The following CFAP299 variants were observed in gnomAD, a reference collection of about 807,000 sequenced individuals.
CFAP299 encodes cilia and flagella associated protein 299.
CFAP299 carries 21 observed loss-of-function variants against 27.0 expected under a neutral mutation model. The ratio of observed to expected loss-of-function variants is 0.78; its 90% CI spans 0.55 to 1.12. The LOEUF is 1.12. Ranked by LOEUF, CFAP299 falls within the 50% of genes most tolerant of loss-of-function variation. The pLI is 0.00. For missense variants in CFAP299, 310 were observed against 276.6 expected (o/e 1.12, Z -0.86); for synonymous variants, 104 against 98.1 (o/e 1.06, Z -0.36).
intron 3 of CFAP299, among the ~76,000 whole-genome samples, chr4:80,747,767 A>C (rs1430240923): frequency 1.3e-5 from 2 of 151,882 alleles, no homozygotes; most frequent in African/African-American, 4.8e-5. Flanking sequence ...TGAAATGGCA[A>C]ATTTTATAGA....
At chr4:80,898,895 A>G (rs1578222746) in intron 4 of CFAP299, among the ~76,000 whole-genome samples, 1 of 152,222 alleles carries the variant, frequency 6.6e-6, no homozygotes, top group African/African-American at 2.4e-5. Flanking sequence ...AAAATAATCA[A>G]GAACAGCTTC....
chr4:80,383,041 G>A (rs1231409319), intron 2 of CFAP299, among the ~76,000 whole-genome samples: 3 of 152,134 alleles, frequency 2.0e-5, no homozygotes, highest in African/African-American at 7.2e-5. Context: ...GGACATAAAT[G>A]GATATGGAGG....
At chr4:80,861,665 C>T (rs1437244514) in intron 3 of CFAP299, among the ~76,000 whole-genome samples, 1 of 152,078 alleles carries the variant, frequency 6.6e-6, no homozygotes, top group Non-Finnish European at 1.5e-5. Flanking sequence ...TATTTCATAA[C>T]TTTTGTTCAA....
At chr4:80,336,898 A>G (rs939051021) in intron 1 of CFAP299, among the ~76,000 whole-genome samples, 1 of 152,240 alleles carries the variant, frequency 6.6e-6, no homozygotes, top group African/African-American at 2.4e-5. Context: ...CTGAACTGCA[A>G]CAAGGTAACT....
At chr4:80,549,117 A>G (rs1191776698) in intron 2 of CFAP299, among the ~76,000 whole-genome samples, 15 of 152,026 alleles carry the variant, frequency 9.9e-5, no homozygotes, top group East Asian at 1.9e-4. Context: ...TGATTTTTGT[A>G]TTTTTTCTAA....
chr4:80,613,335 C>A (rs1017670348), intron 3 of CFAP299, among the ~76,000 whole-genome samples: 8 of 151,906 alleles, frequency 5.3e-5, no homozygotes, highest in Non-Finnish European at 1.2e-4. Flanking sequence ...TTTTGTGGAA[C>A]CTCTCATTTT....
chr4:80,526,347 T>C (rs944214279), intron 2 of CFAP299, among the ~76,000 whole-genome samples: 3 of 152,144 alleles, frequency 2.0e-5, no homozygotes, highest in Admixed American at 2.0e-4. Context: ...TGAAAATTAA[T>C]TCTCTTCCTC....
At chr4:80,662,781 TG>T (rs1265087016) in intron 3 of CFAP299, among the ~76,000 whole-genome samples, 1 of 152,036 alleles carries the variant, frequency 6.6e-6, no homozygotes, top group Non-Finnish European at 1.5e-5. Context: ...AGGACAGAGA[TG>T]AGAGAAATGA....
intron 3 of CFAP299, among the ~76,000 whole-genome samples, chr4:80,662,791 G>A (rs1740929658): frequency 6.6e-6 from 1 of 152,140 alleles, no homozygotes; most frequent in African/African-American, 2.4e-5. Flanking sequence ...TGAGAGAAAT[G>A]AGAGTAAGCT....
intron 4 of CFAP299, among the ~76,000 whole-genome samples, chr4:80,944,060 A>G (rs1028647299): frequency 1.4e-5 from 2 of 145,130 alleles, no homozygotes; most frequent in African/African-American, 2.6e-5. Flanking sequence ...GCAAGACTCC[A>G]TCTCAATAAA....
intron 3 of CFAP299, among the ~76,000 whole-genome samples, chr4:80,800,348 A>T (rs1232598928): frequency 4.2e-5 from 3 of 71,886 alleles, no homozygotes; most frequent in African/African-American, 6.2e-5. Context: ...ATAATATATA[A>T]TATATATGAT....
intron 2 of CFAP299, among the ~76,000 whole-genome samples, chr4:80,455,218 G>A (rs1160656043): frequency 6.6e-6 from 1 of 152,084 alleles, no homozygotes; most frequent in East Asian, 1.9e-4. Flanking sequence ...TCAGGAAAGG[G>A]CTCTTATCAT....
chr4:80,427,901 A>G (rs1440576415), intron 2 of CFAP299, among the ~76,000 whole-genome samples: 1 of 152,044 alleles, frequency 6.6e-6, no homozygotes, highest in Non-Finnish European at 1.5e-5. Context: ...ATATTTATTA[A>G]TTTTTATCTA....
rs573411356 is a variant in CFAP299 at position 80,574,686 on chromosome 4, T to G, written c.243-8407T>G. On this transcript the variant is annotated intron_variant, in intron 2 of 5. Coordinates refer to ENST00000358105, the MANE Select transcript of CFAP299 (RefSeq NM_152770.3). ...ATCATGAAAGGATGTTAAATTTTAC[T>G]AAATAATTTCTCAGCATCAATTGCA... Among the ~76,000 whole-genome samples the G allele has an allele frequency of 3.9e-5, 6 of 152,248 alleles. No homozygotes were observed. In the South Asian group the frequency reaches 1.2e-3, roughly 32 times the overall value.
At chr4:80,730,311 TC>T (rs1723444419) in intron 3 of CFAP299, among the ~76,000 whole-genome samples, 1 of 134,556 alleles carries the variant, frequency 7.4e-6, no homozygotes, top group Non-Finnish European at 1.5e-5. Flanking sequence ...TGACCTGACC[TC>T]CGGGCAGGCA....
chr4:80,570,323 A>G (rs1735522611), intron 2 of CFAP299, among the ~76,000 whole-genome samples: 1 of 152,008 alleles, frequency 6.6e-6, no homozygotes, highest in Admixed American at 6.6e-5. Flanking sequence ...AGAAACTCCA[A>G]TAAGAGCAAA....
intron 3 of CFAP299, among the ~76,000 whole-genome samples, chr4:80,828,347 T>C (rs1478378801): frequency 2.0e-5 from 3 of 152,050 alleles, no homozygotes; most frequent in African/African-American, 4.8e-5. Context: ...AGCAGACATA[T>C]AGATCAATGG....
intron 3 of CFAP299, among the ~76,000 whole-genome samples, chr4:80,743,406 T>C (rs1196639780): frequency 1.3e-5 from 2 of 152,170 alleles, no homozygotes; most frequent in Admixed American, 1.3e-4. Flanking sequence ...TAACCACATA[T>C]GATTTGTGGT....
chr4:80,758,681 A>G (rs1485061552), intron 3 of CFAP299, among the ~76,000 whole-genome samples: 2 of 152,164 alleles, frequency 1.3e-5, no homozygotes, highest in African/African-American at 4.8e-5. Context: ...GAATGTCTAA[A>G]TGGCAGCATT....
Sources: allele counts gnomAD v4.1 joint callset (sites outside exome capture counted in the v4.1 genomes callset), GRCh38; gene constraint gnomAD v4.1.1; transcripts MANE v1.5; gene names NCBI Gene and HGNC (gene_info 2026-07-23, HGNC 2026-07-21).